The following CD302 variants were observed in gnomAD, a reference collection of about 807,000 sequenced individuals.
CD302 encodes CD302 molecule.
A neutral mutation model predicts 26.5 loss-of-function variants in CD302; 23 were observed. The ratio of observed to expected loss-of-function variants is 0.87; its 90% CI spans 0.62 to 1.23. CD302 has a LOEUF of 1.23. Ranked by LOEUF, CD302 falls within the 50% of genes most tolerant of loss-of-function variation. The pLI is 0.00. For synonymous variants in CD302, 90 were observed against 99.4 expected (o/e 0.91, Z 0.56); for missense variants, 290 against 275.5 (o/e 1.05, Z -0.37).
chr2:159,783,470 CTA>C lies in CD302; in HGVS notation c.68-3_68-2del. 2 of 1,582,096 alleles carry C rather than the reference CTA, an allele frequency of 1.3e-6. No homozygotes were observed. Among genetic ancestry groups the C allele is most frequent in the Middle Eastern group, 1.7e-4 (1 of 5,876 alleles). ...TGAATCCAAGTAGATGAAGGACAGT[CTA>C]TGTAGAAAAAAGAAGAACACTGTTA... On this transcript the variant is annotated splice_acceptor_variant and splice_polypyrimidine_tract_variant and intron_variant, in intron 1 of 5. Coordinates refer to ENST00000259053, the MANE Select transcript of CD302 (RefSeq NM_014880.5). LOFTEE classifies it high-confidence loss of function.
At chr2:159,790,677 T>C (rs79872675) in intron 1 of CD302, among the ~76,000 whole-genome samples, 2,126 of 152,326 alleles carry the variant, frequency 0.014, 16 homozygotes, top group Non-Finnish European at 0.021. Context: ...TTTTACCTTA[T>C]GGAATTTTAA....
Position 159,769,399 on chromosome 2 carries a change from T to C in CD302, c.*2452A>G, listed in dbSNP as rs1209428210. On this transcript the variant is annotated 3_prime_UTR_variant, in exon 6 of 6. Coordinates refer to ENST00000259053, the MANE Select transcript of CD302 (RefSeq NM_014880.5). Reference sequence around the variant, plus strand: ...GGCTCACGCATGTAATCCCAGCACTTTGGGAGACCAAGGTGGGTGGATCAC... The same window carrying C: ...GGCTCACGCATGTAATCCCAGCACTCTGGGAGACCAAGGTGGGTGGATCAC... The C allele has an allele frequency of 1.3e-5, 2 of 152,202 alleles. No individual in the cohort carries two copies. The highest frequency in any genetic ancestry group is 4.8e-5 in the African/African-American group (2 of 41,426). 9.4% of individuals were successfully genotyped at this position (152,202 alleles called of 1,614,324 possible).
At chr2:159,778,190 T>G (rs67300624) in intron 4 of CD302, among the ~76,000 whole-genome samples, 48,611 of 152,054 alleles carry the variant, frequency 0.32, 9,750 homozygotes, top group Admixed American at 0.48. Context: ...ATGCATTAGC[T>G]TGGTTGGTGG....
chr2:159,796,484 C>G (rs904900736), intron 1 of CD302, among the ~76,000 whole-genome samples: 3 of 152,130 alleles, frequency 2.0e-5, no homozygotes, highest in African/African-American at 7.2e-5. Context: ...CGTGGAGTTC[C>G]CACTTAATGC....
chr2:159,793,986 C>T (rs1430422652), intron 1 of CD302, among the ~76,000 whole-genome samples: 3 of 151,542 alleles, frequency 2.0e-5, no homozygotes, highest in Non-Finnish European at 2.9e-5. Context: ...ATAGGCCAGG[C>T]GTGGCAGTTC....
chr2:159,778,953 C>T (rs1257105949), intron 4 of CD302, among the ~76,000 whole-genome samples: 1 of 151,982 alleles, frequency 6.6e-6, no homozygotes, highest in East Asian at 1.9e-4. Context: ...CCTTCTGGGC[C>T]GGGCACAGTG....
At chr2:159,788,933 T>G (rs1041657601) in intron 1 of CD302, among the ~76,000 whole-genome samples, 2 of 152,216 alleles carry the variant, frequency 1.3e-5, no homozygotes, top group African/African-American at 2.4e-5. Flanking sequence ...TTTTCAATAC[T>G]GTTAATACTC....
At chr2:159,786,192 A>T (rs1395954322) in intron 1 of CD302, among the ~76,000 whole-genome samples, 1 of 152,162 alleles carries the variant, frequency 6.6e-6, no homozygotes, top group Non-Finnish European at 1.5e-5. Flanking sequence ...GGATTATAAT[A>T]GGGACTTAAA....
rs1708144621 is a variant in CD302, at chr2:159,771,462, T to TA, written c.*388dup. 6.3e-6 allele frequency: 1 copy of TA among 159,064 alleles called. No individual in the cohort carries two copies. Among genetic ancestry groups the TA allele is most frequent in the African/African-American group, 2.4e-5 (1 of 41,538 alleles). 9.9% of individuals were successfully genotyped at this position (159,064 alleles called of 1,614,324 possible). On this transcript the variant is annotated 3_prime_UTR_variant, in exon 6 of 6. Coordinates refer to ENST00000259053, the MANE Select transcript of CD302 (RefSeq NM_014880.5). ...GATATTTAAATGTATGGGATGTACT[T>TA]AAAATCACTTATTCCCCATTTCATG...
chr2:159,783,308 C>T (rs1458040371), intron 2 of CD302, 51 bp downstream of exon 2: 2 of 1,409,286 alleles, frequency 1.4e-6, no homozygotes, highest in Non-Finnish European at 1.9e-6. Context: ...AATTAATGAA[C>T]ACTGTTCACT....
At chr2:159,772,100 A>G in intron 5 of CD302, 47 bp from the exon 6 acceptor site, 1 of 1,580,180 alleles carries the variant, frequency 6.3e-7, no homozygotes, top group Non-Finnish European at 8.7e-7. Context: ...AGGGTACACA[A>G]GTTGCAAGTA....
intron 5 of CD302, among the ~76,000 whole-genome samples, 165 bp downstream of exon 5, chr2:159,777,773 A>T (rs1214560235): frequency 6.6e-6 from 1 of 152,204 alleles, no homozygotes; most frequent in Non-Finnish European, 1.5e-5. Flanking sequence ...GAATATATTT[A>T]AAATGTTGAG....
intron 1 of CD302, among the ~76,000 whole-genome samples, chr2:159,795,371 A>T (rs1708924866): frequency 6.6e-6 from 1 of 152,180 alleles, no homozygotes; most frequent in Non-Finnish European, 1.5e-5. Flanking sequence ...TTTTTAAATA[A>T]CTCACCTAAA....
intron 1 of CD302, among the ~76,000 whole-genome samples, chr2:159,785,415 T>C (rs1482128022): frequency 1.3e-5 from 2 of 152,204 alleles, no homozygotes; most frequent in Non-Finnish European, 2.9e-5. Context: ...ACGGTTGTTT[T>C]GCAACAAGCA....
intron 1 of CD302, among the ~76,000 whole-genome samples, chr2:159,786,630 G>A (rs572709971): frequency 7.2e-5 from 11 of 152,218 alleles, no homozygotes; most frequent in African/African-American, 2.4e-4. Flanking sequence ...CACTGCGCCC[G>A]GCCAAGTTTC....
At chr2:159,784,445 T>G (rs1276742850) in intron 1 of CD302, among the ~76,000 whole-genome samples, 1 of 137,036 alleles carries the variant, frequency 7.3e-6, no homozygotes, top group Non-Finnish European at 1.5e-5. Context: ...AGCCTCTGCC[T>G]CCTGGGCTCA....
At chr2:159,772,826 G>A (rs750660830) in intron 5 of CD302, among the ~76,000 whole-genome samples, 26 of 152,166 alleles carry the variant, frequency 1.7e-4, no homozygotes, top group Admixed American at 3.3e-4. Context: ...AAGAATTTAA[G>A]ATTAGTGAGA....
intron 4 of CD302, 86 bp downstream of exon 4, chr2:159,779,919 G>A: frequency 5.4e-6 from 8 of 1,477,442 alleles, no homozygotes; most frequent in Non-Finnish European, 7.3e-6. Context: ...TATTTATTGA[G>A]GCACACTTAT....
chr2:159,780,941 A>G lies in CD302; in HGVS notation c.236T>C (p.Leu79Ser). 2 of 1,613,796 alleles carry G rather than the reference A, an allele frequency of 1.2e-6. No homozygotes were observed. Among genetic ancestry groups the G allele is most frequent in the Non-Finnish European group, 1.7e-6 (2 of 1,179,974 alleles). ...ATCTGGGCCTTTCCATTGCTTTTTC[A>G]AAGTATCCAGTATAAAAGCATTTTC... ...EEENAFILDT[L>S]KKQWKGPDDI... The change falls in exon 3 of 6, where the codon TTG becomes TCG. Residue 79 changes from leucine to serine, a missense_variant. Physicochemically the swap from Leu to Ser is moderately radical, Grantham distance 145. Transcript: ENST00000259053.
Sources: allele counts gnomAD v4.1 joint callset (sites outside exome capture counted in the v4.1 genomes callset), GRCh38; gene constraint gnomAD v4.1.1; transcripts MANE v1.5; gene names NCBI Gene and HGNC (gene_info 2026-07-23, HGNC 2026-07-21).